UTP6: variants seen among roughly 807,000 people sequenced by gnomAD.
UTP6 encodes U3 small nucleolar RNA-associated protein 6 homolog.
In UTP6, 60 loss-of-function variants were observed where a neutral mutation model predicts 96.5. That is an observed-to-expected ratio of 0.62 (90% CI 0.51 to 0.77). UTP6 has a LOEUF of 0.77. Among genes scored for constraint, UTP6 ranks in the 30% least tolerant of loss-of-function variants. The pLI, the probability that UTP6 is intolerant of heterozygous loss-of-function variation, is 0.00. For missense variants in UTP6, 637 were observed against 706.5 expected, an observed-to-expected ratio of 0.90 and a Z score of 1.12; for synonymous variants, 215 against 240.1, an observed-to-expected ratio of 0.90 and a Z score of 0.96.
At position 31,863,515 on chromosome 17, in the gene UTP6, A is replaced by C. The variant is rs1286820711; in HGVS notation, c.1638T>G (p.Asp546Glu). 6.3e-7 allele frequency: 1 copy of C among 1,597,604 alleles called. No homozygotes were observed. Among genetic ancestry groups the C allele is most frequent in the African/African-American group, 1.4e-5 (1 of 73,790 alleles). Residue 546 changes from aspartate (D) to glutamate (E), a missense_variant and splice_region_variant, in exon 19 of 19, where the codon GAT becomes GAG. Transcript: ENST00000261708. ...CTTCTTTCATATAATCCATCCAAAGATCTTTTAAAAAAAAAACATACAATT... is the reference window on the plus strand; with the variant it reads ...CTTCTTTCATATAATCCATCCAAAGCTCTTTTAAAAAAAAAACATACAATT... ...ALREFGSADS[D>E]LWMDYMKEEL...
intron 16 of UTP6, among the ~76,000 whole-genome samples, chr17:31,870,736 G>A (rs1387141123): frequency 6.6e-6 from 1 of 151,858 alleles, no homozygotes; most frequent in Non-Finnish European, 1.5e-5. Context: ...TATTAGCCAG[G>A]ATGGTCTCGA....
intron 7 of UTP6, chr17:31,887,872 A>G (rs1911240583): frequency 6.7e-6 from 1 of 148,556 alleles, no homozygotes; most frequent in Non-Finnish European, 1.5e-5. Context: ...GAGGCAGGAG[A>G]ATCGTTTGAA....
rs1025137727 is a variant in UTP6 at position 31,861,538 on chromosome 17, C to T, written c.*1821G>A. On this transcript the variant is annotated 3_prime_UTR_variant, in exon 19 of 19. Coordinates refer to ENST00000261708, the MANE Select transcript of UTP6 (RefSeq NM_018428.3). Reference sequence around the variant, plus strand: ...GGCTGAGGTGGGAGGATCTCTTGAGCCCAGAAGTTAAGGCTGTAGTGAGCC... The same window carrying T: ...GGCTGAGGTGGGAGGATCTCTTGAGTCCAGAAGTTAAGGCTGTAGTGAGCC... 23 of 151,746 alleles carry T rather than the reference C, an allele frequency of 1.5e-4. No homozygotes were observed. Among genetic ancestry groups the T allele is most frequent in the African/African-American group, 5.3e-4 (22 of 41,392 alleles). 9.4% of individuals were successfully genotyped at this position (151,746 alleles called of 1,614,324 possible). A position where few individuals can be genotyped will look rare whatever the true frequency, so the allele number is the denominator to read the frequency against.
In UTP6 at chr17:31,861,781, T is replaced by C. The variant is rs1010357434; in HGVS notation, c.*1578A>G. 6.6e-6 allele frequency: 1 copy of C among 152,126 alleles called. No homozygotes were observed. Among genetic ancestry groups the C allele is most frequent in the African/African-American group, 2.4e-5 (1 of 41,422 alleles). 9.4% of individuals were successfully genotyped at this position (152,126 alleles called of 1,614,324 possible). A position where few individuals can be genotyped will look rare whatever the true frequency, so the allele number is the denominator to read the frequency against. On this transcript the variant is annotated 3_prime_UTR_variant, in exon 19 of 19. Coordinates refer to ENST00000261708, the MANE Select transcript of UTP6 (RefSeq NM_018428.3). Reference sequence around the variant, plus strand: ...CCTATAAAATGGTAAAAATAAAAGATATAATTACACCAGTACAGGTAAGGG... The same window carrying C: ...CCTATAAAATGGTAAAAATAAAAGACATAATTACACCAGTACAGGTAAGGG...
Position 31,898,635 on chromosome 17 carries a change from T to G in UTP6, c.177+1011A>C, listed in dbSNP as rs375980509. Among the ~76,000 whole-genome samples the G allele has an allele frequency of 5.3e-3, 800 of 152,004 alleles. 4 individuals are homozygous for G. Among genetic ancestry groups the G allele is most frequent in the African/African-American group, 0.018 (767 of 41,484 alleles). ...ATCACTTGAACCCAGGAGGCGGAGG[T>G]TGCGGTGAGCGTGAGCAGAGACTGT... On this transcript the variant is annotated intron_variant, in intron 2 of 18. Transcript: ENST00000261708.
At position 31,862,405 on chromosome 17, in the gene UTP6, GAAAAACAA is replaced by G. The variant is rs1307502651; in HGVS notation, c.*946_*953del. The G allele has an allele frequency of 6.6e-6, 1 of 152,044 alleles. No individual in the cohort carries two copies. Among genetic ancestry groups the G allele is most frequent in the African/African-American group, 2.4e-5 (1 of 41,400 alleles). The allele number at this position is 152,044 out of a possible 1,614,324, so 9.4% of individuals were successfully genotyped here. On this transcript the variant is annotated 3_prime_UTR_variant, in exon 19 of 19. Transcript: ENST00000261708. The stretch of plus-strand genomic sequence containing the variant: ...GTTTTTAAGGCTATTTAATGACACA[GAAAAACAA>G]TACTAAGTGAAACGTAACAATAAGC...
chr17:31,873,655 G>T lies in UTP6; in HGVS notation c.1386+18C>A. The stretch of plus-strand genomic sequence containing the variant: ...TGCCATTCCCCACACCACAAGACTT[G>T]GAACACGGAGCCTATACCTTAAAGA... On this transcript the variant is annotated intron_variant, in intron 15 of 18. Transcript: ENST00000261708. 1 of 1,613,892 alleles carries T rather than the reference G, an allele frequency of 6.2e-7. No homozygotes were observed. The highest frequency in any genetic ancestry group is 8.5e-7 in the Non-Finnish European group (1 of 1,179,994).
chr17:31,884,298 A>G, intron 10 of UTP6, 126 bp downstream of exon 10: 1 of 742,546 alleles, frequency 1.3e-6, no homozygotes. Context: ...GCACCCGGCC[A>G]ATATTAGCTT....
At chr17:31,865,279 C>G in intron 18 of UTP6, 87 bp downstream of exon 18, 1 of 1,410,694 alleles carries the variant, frequency 7.1e-7, no homozygotes, top group Non-Finnish European at 9.9e-7. Context: ...TCCCAAAGTG[C>G]TGGGATTACA....
chr17:31,892,197 T>TA (rs1352522940), intron 6 of UTP6, 63 bp downstream of exon 6: 1 of 1,569,360 alleles, frequency 6.4e-7, no homozygotes, highest in African/African-American at 1.4e-5. Flanking sequence ...TCAATCGAAA[T>TA]AAAATCCAAA....
Position 31,863,560 on chromosome 17 carries a change from A to G in UTP6, c.1637-44T>C, listed in dbSNP as rs1909647847. The stretch of plus-strand genomic sequence containing the variant: ...ACAATTAGATAACTGACAGAGTGTT[A>G]TTAGGTAACCTTATTAAATATCAAT... On this transcript the variant is annotated intron_variant, in intron 18 of 18. Coordinates refer to ENST00000261708, the MANE Select transcript of UTP6 (RefSeq NM_018428.3). The G allele has an allele frequency of 2.6e-6, 4 of 1,525,476 alleles. 1 individual carries two copies. Among genetic ancestry groups the G allele is most frequent in the Non-Finnish European group, 8.9e-7 (1 of 1,120,992 alleles). 94.5% of individuals were successfully genotyped at this position (1,525,476 alleles called of 1,614,324 possible).
intron 6 of UTP6, chr17:31,892,022 C>CA (rs374498778): frequency 0.014 from 5,980 of 429,698 alleles, 7 homozygotes; most frequent in African/African-American, 0.016. Flanking sequence ...GACTCCGTCT[C>CA]AAAAAAAAAA....
intron 18 of UTP6, among the ~76,000 whole-genome samples, chr17:31,863,862 G>C (rs1346825247): frequency 6.6e-6 from 1 of 151,908 alleles, no homozygotes; most frequent in East Asian, 1.9e-4. Flanking sequence ...CACCATATTA[G>C]GCTAATTTTT....
intron 16 of UTP6, 200 bp downstream of exon 16, chr17:31,873,178 C>T (rs375931263): frequency 1.4e-4 from 67 of 471,134 alleles, no homozygotes; most frequent in East Asian, 4.3e-4. Context: ...CACTTGAACG[C>T]AGGAGGCGGA....
chr17:31,864,211 T>G (rs916546579), intron 18 of UTP6, among the ~76,000 whole-genome samples: 1 of 152,000 alleles, frequency 6.6e-6, no homozygotes, highest in African/African-American at 2.4e-5. Context: ...ATGGCGAAAC[T>G]CCATCTCGAC....
In UTP6 at chr17:31,878,778, G is replaced by T. The variant is rs1910648901; in HGVS notation, c.971C>A (p.Ala324Asp). The T allele has an allele frequency of 6.2e-7, 1 of 1,613,830 alleles. No homozygotes were observed. Among genetic ancestry groups the T allele is most frequent in the Non-Finnish European group, 8.5e-7 (1 of 1,179,956 alleles). The change falls in exon 12 of 19, where the codon GCC becomes GAC. Residue 324 changes from alanine to aspartate, a missense_variant. Physicochemically the swap from Ala to Asp is moderately radical, Grantham distance 126. Transcript: ENST00000261708. Reference sequence around the variant, plus strand: ...AAAGGTGATGTAACACTTCCACATGGCCTCTGGAAAAGTCAGAAAGATTGT... The same window carrying T: ...AAAGGTGATGTAACACTTCCACATGTCCTCTGGAAAAGTCAGAAAGATTGT... ...EEAVKTLPTE[A>D]MWKCYITFCL...
In UTP6 at chr17:31,880,806, A is replaced by T. The variant is rs769868401; in HGVS notation, c.786-52T>A. On this transcript the variant is annotated intron_variant, in intron 10 of 18. Transcript: ENST00000261708. The stretch of plus-strand genomic sequence containing the variant: ...ATCCCACAACAAGAAACTGACTCAG[A>T]ATATCAGAGAAACAGTTACCTGTGC... 2.5e-6 allele frequency: 4 copies of T among 1,605,564 alleles called. No individual in the cohort carries two copies. In the East Asian group the frequency reaches 8.9e-5, roughly 36 times the overall value.
intron 9 of UTP6, 97 bp from the exon 10 acceptor site, chr17:31,884,602 T>G: frequency 1.1e-6 from 1 of 949,324 alleles, no homozygotes. Flanking sequence ...TTAATCTTCT[T>G]GTTTTTTGAA....
chr17:31,867,945 G>T, intron 17 of UTP6, 101 bp downstream of exon 17: 1 of 1,153,014 alleles, frequency 8.7e-7, no homozygotes, highest in Non-Finnish European at 1.2e-6. Context: ...AACAGAGCGA[G>T]ACTCTGCCTC....
Sources: gnomAD v4.1 joint callset for allele counts (sites outside exome capture counted in the v4.1 genomes callset) on GRCh38, gnomAD v4.1.1 for gene constraint, MANE v1.5 for transcripts, NCBI Gene and HGNC (gene_info 2026-07-23, HGNC 2026-07-21) for gene names.